Variants in ZNF566 observed in about 807,000 individuals in gnomAD.
ZNF566 encodes the protein zinc finger protein 566.
Under a neutral mutation model 32.8 loss-of-function variants are expected in ZNF566, and 27 were observed. The observed-to-expected ratio is 0.82, with a 90% CI of 0.61 to 1.14. The LOEUF (loss-of-function observed/expected upper bound fraction) is 1.14, where lower values mean the gene tolerates loss of function less well. Ranked by LOEUF, ZNF566 falls within the 50% of genes most tolerant of loss-of-function variation. The pLI is 0.00. For missense variants in ZNF566, 402 were observed against 490.4 expected, an observed-to-expected ratio of 0.82 and a Z score of 1.70; for synonymous variants, 154 against 159.5, an observed-to-expected ratio of 0.97 and a Z score of 0.26.
At chr19:36,482,298 G>A (rs1407396211) in intron 1 of ZNF566, among the ~76,000 whole-genome samples, 2 of 152,066 alleles carry the variant, frequency 1.3e-5, no homozygotes, top group Admixed American at 6.6e-5. Flanking sequence ...GTAGAGACGG[G>A]GTTTCACCGT....
Position 36,446,566 on chromosome 19 carries a change from G to A in ZNF566, c.*2411C>T, listed in dbSNP as rs1002814853. 1 of 152,112 alleles carries A rather than the reference G, an allele frequency of 6.6e-6. No individual in the cohort carries two copies. The highest frequency in any genetic ancestry group is 1.5e-5 in the Non-Finnish European group (1 of 68,024). 9.4% of individuals were successfully genotyped at this position (152,112 alleles called of 1,614,324 possible). ...CAGCCCCTTTTCTTTCTCTTTAATG[G>A]TATTGTTTCATTAATTTGGGTGCAA... On this transcript the variant is annotated 3_prime_UTR_variant, in exon 5 of 5. Coordinates refer to ENST00000452939, the MANE Select transcript of ZNF566 (RefSeq NM_001145344.1).
intron 1 of ZNF566, 25 bp from the exon 2 acceptor site, chr19:36,476,641 T>G: frequency 6.3e-7 from 1 of 1,587,080 alleles, no homozygotes; most frequent in South Asian, 1.2e-5. Context: ...AGAAGATAGA[T>G]AAGACCCCAC....
intron 4 of ZNF566, among the ~76,000 whole-genome samples, chr19:36,472,504 G>A (rs1212213580): frequency 6.6e-6 from 1 of 152,144 alleles, no homozygotes; most frequent in Non-Finnish European, 1.5e-5. Flanking sequence ...GAATCAATGA[G>A]GGCATAAACC....
At chr19:36,453,570 A>G (rs1194788978) in intron 4 of ZNF566, among the ~76,000 whole-genome samples, 1 of 151,396 alleles carries the variant, frequency 6.6e-6, no homozygotes, top group Non-Finnish European at 1.5e-5. Flanking sequence ...GCTAATAGAT[A>G]CACAATATAT....
In ZNF566 at chr19:36,448,928, T is replaced by C; in HGVS notation, c.*49A>G. On this transcript the variant is annotated 3_prime_UTR_variant, in exon 5 of 5. Coordinates refer to ENST00000452939, the MANE Select transcript of ZNF566 (RefSeq NM_001145344.1). Reference sequence around the variant, plus strand: ...AATTATTAACAAGATAAATTCTGTTTTGAGCCATAATTAAAAGCCTCCCTA... The same window carrying C: ...AATTATTAACAAGATAAATTCTGTTCTGAGCCATAATTAAAAGCCTCCCTA... 1 of 1,432,298 alleles carries C rather than the reference T, an allele frequency of 7.0e-7. No homozygotes were observed. The highest frequency in any genetic ancestry group is 2.5e-5 in the Admixed American group (1 of 40,410). 88.7% of individuals were successfully genotyped at this position (1,432,298 alleles called of 1,614,324 possible). A position where few individuals can be genotyped will look rare whatever the true frequency, so the allele number is the denominator to read the frequency against.
intron 1 of ZNF566, among the ~76,000 whole-genome samples, chr19:36,478,779 C>T (rs1204175583): frequency 6.6e-6 from 1 of 152,180 alleles, no homozygotes; most frequent in Non-Finnish European, 1.5e-5. Context: ...TCTAACTACT[C>T]ATTTCCCAGG....
intron 4 of ZNF566, among the ~76,000 whole-genome samples, chr19:36,455,963 C>T (rs756049072): frequency 6.6e-6 from 1 of 151,072 alleles, no homozygotes; most frequent in African/African-American, 2.4e-5. Context: ...GGCGTGAACC[C>T]GGGAGGCCGA....
intron 1 of ZNF566, among the ~76,000 whole-genome samples, chr19:36,486,796 C>G (rs754233998): frequency 1.1e-4 from 17 of 151,050 alleles, no homozygotes; most frequent in Non-Finnish European, 2.2e-4. Flanking sequence ...AGGTGCTGAA[C>G]ATCATTTCAC....
intron 4 of ZNF566, among the ~76,000 whole-genome samples, chr19:36,469,335 C>T (rs879712479): frequency 2.0e-5 from 3 of 151,788 alleles, no homozygotes; most frequent in East Asian, 1.9e-4. Context: ...GTCAGGAGTT[C>T]GAGACCAGCC....
chr19:36,448,925 GTT>G lies in ZNF566; in HGVS notation c.*50_*51del. 1 of 1,409,150 alleles carries G rather than the reference GTT, an allele frequency of 7.1e-7. No individual in the cohort carries two copies. Among genetic ancestry groups the G allele is most frequent in the Non-Finnish European group, 9.6e-7 (1 of 1,046,728 alleles). 87.3% of individuals were successfully genotyped at this position (1,409,150 alleles called of 1,614,324 possible). Reference sequence around the variant, plus strand: ...AGGAATTATTAACAAGATAAATTCTGTTTTGAGCCATAATTAAAAGCCTCCCT... The same window carrying G: ...AGGAATTATTAACAAGATAAATTCTGTTGAGCCATAATTAAAAGCCTCCCT... On this transcript the variant is annotated 3_prime_UTR_variant, in exon 5 of 5. Coordinates refer to ENST00000452939, the MANE Select transcript of ZNF566 (RefSeq NM_001145344.1).
At chr19:36,450,408 G>A (rs1017441288) in intron 4 of ZNF566, among the ~76,000 whole-genome samples, 1 of 152,162 alleles carries the variant, frequency 6.6e-6, no homozygotes, top group African/African-American at 2.4e-5. Flanking sequence ...CACCTTGGGC[G>A]GGTGAGGCAG....
Position 36,448,123 on chromosome 19 carries a change from A to G in ZNF566, c.*854T>C, listed in dbSNP as rs1452101111. 1 of 152,186 alleles carries G rather than the reference A, an allele frequency of 6.6e-6. No individual in the cohort carries two copies. The highest frequency in any genetic ancestry group is 6.6e-5 in the Admixed American group (1 of 15,266). The allele number at this position is 152,186 out of a possible 1,614,324, so 9.4% of individuals were successfully genotyped here. A position where few individuals can be genotyped will look rare whatever the true frequency, so the allele number is the denominator to read the frequency against. ...ACAGAAAAATGATCAGCAATAAATA[A>G]TGAACTGATAAAGACTATCCTTTGG... On this transcript the variant is annotated 3_prime_UTR_variant, in exon 5 of 5. Coordinates refer to ENST00000452939, the MANE Select transcript of ZNF566 (RefSeq NM_001145344.1).
rs565776975 is a variant in ZNF566 at position 36,475,121 on chromosome 19, C to T, written c.9+1428G>A. Among the ~76,000 whole-genome samples, 7 of 152,330 alleles carry T rather than the reference C, an allele frequency of 4.6e-5. No individual in the cohort carries two copies. In the South Asian group the frequency reaches 1.4e-3, roughly 32 times the overall value. On this transcript the variant is annotated intron_variant, in intron 2 of 4. Coordinates refer to ENST00000452939, the MANE Select transcript of ZNF566 (RefSeq NM_001145344.1). Reference sequence around the variant, plus strand: ...AGTGCAGTGGCATGATCACATCTCACTGCAGCCATGACTTCCTGGGCTCAA... The same window carrying T: ...AGTGCAGTGGCATGATCACATCTCATTGCAGCCATGACTTCCTGGGCTCAA...
intron 4 of ZNF566, among the ~76,000 whole-genome samples, chr19:36,466,948 A>G (rs1459567783): frequency 6.6e-6 from 1 of 151,302 alleles, no homozygotes; most frequent in African/African-American, 2.4e-5. Flanking sequence ...AGGTGCCTGT[A>G]GTCCCAGCTA....
intron 1 of ZNF566, among the ~76,000 whole-genome samples, chr19:36,488,986 G>C (rs1460281211): frequency 6.6e-6 from 1 of 152,128 alleles, no homozygotes; most frequent in Non-Finnish European, 1.5e-5. Flanking sequence ...ATAAGCACAA[G>C]TGCACGCTTA....
chr19:36,469,898 A>G (rs2033720057), intron 4 of ZNF566, among the ~76,000 whole-genome samples: 1 of 151,906 alleles, frequency 6.6e-6, no homozygotes, highest in South Asian at 2.1e-4. Context: ...CTATGTAAGT[A>G]TAAGTACTCG....
chr19:36,450,196 C>T (rs2033116922), intron 4 of ZNF566, among the ~76,000 whole-genome samples, 195 bp from the exon 5 acceptor site: 1 of 152,120 alleles, frequency 6.6e-6, no homozygotes, highest in Non-Finnish European at 1.5e-5. Context: ...CCAAACATTG[C>T]TATAGATCAG....
intron 4 of ZNF566, among the ~76,000 whole-genome samples, chr19:36,463,199 G>C (rs1340788193): frequency 6.6e-6 from 1 of 150,872 alleles, no homozygotes; most frequent in African/African-American, 2.4e-5. Context: ...AGCTACTCGG[G>C]GGCTGAGGTA....
At chr19:36,484,643 G>A (rs2145711009) in intron 1 of ZNF566, among the ~76,000 whole-genome samples, 1 of 141,394 alleles carries the variant, frequency 7.1e-6, no homozygotes. Context: ...AGGCTGGGGT[G>A]CAGTGGCGCG....
Sources: allele counts gnomAD v4.1 joint callset (sites outside exome capture counted in the v4.1 genomes callset), GRCh38; gene constraint gnomAD v4.1.1; transcripts MANE v1.5; gene names NCBI Gene and HGNC (gene_info 2026-07-23, HGNC 2026-07-21).